BSPRY: variants seen among roughly 807,000 people sequenced by gnomAD.
The protein encoded by BSPRY is B box and SPRY domain-containing protein.
In BSPRY, 33 loss-of-function variants were observed where a neutral mutation model predicts 38.0. The ratio of observed to expected loss-of-function variants is 0.87; its 90% CI spans 0.66 to 1.16. The LOEUF is 1.16. Among genes scored for constraint, BSPRY ranks in the 50% most tolerant of loss-of-function variants. The probability of loss-of-function intolerance (pLI) is 0.00; values close to 1 mark genes in which losing one functional copy is unlikely to be tolerated. For synonymous variants in BSPRY, 224 were observed against 228.5 expected, an observed-to-expected ratio of 0.98 and a Z score of 0.18; for missense variants, 523 against 533.2, an observed-to-expected ratio of 0.98 and a Z score of 0.19.
At chr9:113,358,180 T>G (rs1204195840) in intron 2 of BSPRY, among the ~76,000 whole-genome samples, 1 of 150,998 alleles carries the variant, frequency 6.6e-6, no homozygotes, top group Non-Finnish European at 1.5e-5. Flanking sequence ...CCTAGGAGTT[T>G]GAGGCTGCAG....
intron 4 of BSPRY, among the ~76,000 whole-genome samples, chr9:113,364,586 C>T (rs1177797740): frequency 1.3e-5 from 2 of 151,906 alleles, no homozygotes; most frequent in Non-Finnish European, 2.9e-5. Context: ...TAACGAGCTT[C>T]ACGTAGAAAA....
intron 4 of BSPRY, among the ~76,000 whole-genome samples, chr9:113,364,499 T>C (rs1318283929): frequency 2.0e-5 from 3 of 152,098 alleles, no homozygotes; most frequent in Non-Finnish European, 4.4e-5. Flanking sequence ...GATTTTTTAA[T>C]TGATCTTTAA....
chr9:113,362,541 G>C, intron 4 of BSPRY, 147 bp downstream of exon 4: 1 of 810,376 alleles, frequency 1.2e-6, no homozygotes, highest in South Asian at 1.5e-5. Flanking sequence ...CTGTGGACAG[G>C]GAATGTCTCT....
chr9:113,352,182 A>T (rs1019658467), intron 1 of BSPRY, among the ~76,000 whole-genome samples: 16 of 152,174 alleles, frequency 1.1e-4, no homozygotes, highest in African/African-American at 3.6e-4. Flanking sequence ...TGAACTGCTG[A>T]ACCTCTTGTG....
chr9:113,349,711 C>T lies in BSPRY; in HGVS notation c.132C>T (p.Cys44=). The T allele has an allele frequency of 1.6e-6, 2 of 1,238,918 alleles. No individual in the cohort carries two copies. Among genetic ancestry groups the T allele is most frequent in the Non-Finnish European group, 1.0e-6 (1 of 993,116 alleles). The allele number at this position is 1,238,918 out of a possible 1,614,324, so 76.7% of individuals were successfully genotyped here. A position where few individuals can be genotyped will look rare whatever the true frequency, so the allele number is the denominator to read the frequency against. Residue 44 remains cysteine, a synonymous_variant, in exon 1 of 6, where the codon TGC becomes TGT. Coordinates refer to ENST00000374183, the MANE Select transcript of BSPRY (RefSeq NM_017688.3). Reference sequence around the variant, plus strand: ...AGCGACGGCCCGTGTGCGCCGCCTGCGCGGGGTTGGGCGGTCGCTGCCGGG... The same window carrying T: ...AGCGACGGCCCGTGTGCGCCGCCTGTGCGGGGTTGGGCGGTCGCTGCCGGG... The part of the protein sequence containing the change: ...GSERRPVCAA[C]AGLGGRCRGH...
At chr9:113,362,459 C>T (rs1834171997) in intron 4 of BSPRY, 65 bp downstream of exon 4, 13 of 1,517,538 alleles carry the variant, frequency 8.6e-6, no homozygotes, top group Non-Finnish European at 1.2e-5. Context: ...TCACACTCCA[C>T]TGCCTTCAGC....
At chr9:113,351,619 G>A (rs144546451) in intron 1 of BSPRY, among the ~76,000 whole-genome samples, 8 of 152,228 alleles carry the variant, frequency 5.3e-5, no homozygotes, top group African/African-American at 1.9e-4. Context: ...TTGGCAGATG[G>A]AACTGAGGCA....
Position 113,360,860 on chromosome 9 carries a change from A to G in BSPRY, c.531+123A>G. 3.4e-6 allele frequency: 3 copies of G among 873,332 alleles called. No individual in the cohort carries two copies. In the South Asian group the frequency reaches 5.1e-5, roughly 15 times the overall value. 54.1% of individuals were successfully genotyped at this position (873,332 alleles called of 1,614,324 possible). On this transcript the variant is annotated intron_variant, in intron 3 of 5. Coordinates refer to ENST00000374183, the MANE Select transcript of BSPRY (RefSeq NM_017688.3). Reference sequence around the variant, plus strand: ...AGAATTTGGAGCAGGGATGAGTGACAAAGATTCTTTGCTTGGCCAAACTTT... The same window carrying G: ...AGAATTTGGAGCAGGGATGAGTGACGAAGATTCTTTGCTTGGCCAAACTTT...
Position 113,349,567 on chromosome 9 carries a change from C to G in BSPRY, c.-13C>G. On this transcript the variant is annotated 5_prime_UTR_variant, in exon 1 of 6. Coordinates refer to ENST00000374183, the MANE Select transcript of BSPRY (RefSeq NM_017688.3). ...CCTGCGACAGGTGGAGCGCACGGGG[C>G]GGGCGCACGGCCATGTCCGCCGAGG... 3 of 1,143,536 alleles carry G rather than the reference C, an allele frequency of 2.6e-6. No homozygotes were observed. Among genetic ancestry groups the G allele is most frequent in the Non-Finnish European group, 2.1e-6 (2 of 932,296 alleles). The allele number at this position is 1,143,536 out of a possible 1,614,324, so 70.8% of individuals were successfully genotyped here.
At chr9:113,369,468 C>T in intron 5 of BSPRY, 148 bp from the exon 6 acceptor site, 2 of 768,246 alleles carry the variant, frequency 2.6e-6, no homozygotes, top group Non-Finnish European at 2.1e-6. Flanking sequence ...CCTATTTTGA[C>T]CCCCGTTTTG....
chr9:113,369,873 A>G lies in BSPRY; in HGVS notation c.940A>G (p.Ser314Gly). The G allele has an allele frequency of 6.2e-7, 1 of 1,614,234 alleles. No individual in the cohort carries two copies. Among genetic ancestry groups the G allele is most frequent in the Non-Finnish European group, 8.5e-7 (1 of 1,180,030 alleles). ...CCACCTGCCCCGCAAGGGTTCTGGC[A>G]GTGACTGCCGTCTGGGCCACAATGC... ...SGHLPRKGSGSDCRLGHNAFS... is the reference protein window; with the variant it reads ...SGHLPRKGSGGDCRLGHNAFS... Residue 314 changes from serine to glycine, a missense_variant, in exon 6 of 6, where the codon AGT becomes GGT. Ser to Gly is a moderately conservative substitution (Grantham distance 56). Coordinates refer to ENST00000374183, the MANE Select transcript of BSPRY (RefSeq NM_017688.3).
intron 2 of BSPRY, among the ~76,000 whole-genome samples, chr9:113,357,829 C>A (rs1834083829): frequency 7.0e-6 from 1 of 141,924 alleles, no homozygotes; most frequent in Non-Finnish European, 1.5e-5. Context: ...CTGCCTTGGC[C>A]TCCCAAACTG....
intron 4 of BSPRY, among the ~76,000 whole-genome samples, chr9:113,366,647 C>T (rs1316975515): frequency 6.6e-6 from 1 of 152,204 alleles, no homozygotes; most frequent in Non-Finnish European, 1.5e-5. Context: ...CTCACATTTG[C>T]CCTGGGATGA....
chr9:113,353,303 T>C (rs909420897), intron 1 of BSPRY, among the ~76,000 whole-genome samples: 2 of 152,172 alleles, frequency 1.3e-5, no homozygotes, highest in Admixed American at 1.3e-4. Context: ...GGAGGATCAC[T>C]TGAGCCTGGA....
intron 1 of BSPRY, among the ~76,000 whole-genome samples, chr9:113,350,970 C>G (rs554967121): frequency 6.6e-6 from 1 of 152,166 alleles, no homozygotes; most frequent in African/African-American, 2.4e-5. Flanking sequence ...ACTGGAGGCT[C>G]GGAACAAGGC....
At chr9:113,351,306 A>T (rs10981760) in intron 1 of BSPRY, among the ~76,000 whole-genome samples, 14,821 of 152,186 alleles carry the variant, frequency 0.097, 758 homozygotes, top group Non-Finnish European at 0.11. Context: ...AAATTAGAGT[A>T]GATTTCTGTC....
At chr9:113,351,833 C>T (rs1019142298) in intron 1 of BSPRY, among the ~76,000 whole-genome samples, 2 of 152,002 alleles carry the variant, frequency 1.3e-5, no homozygotes, top group Non-Finnish European at 2.9e-5. Context: ...GAGACAGTCT[C>T]ACTCTGTCAC....
intron 2 of BSPRY, among the ~76,000 whole-genome samples, chr9:113,356,115 A>G (rs1434116469): frequency 6.6e-6 from 1 of 152,222 alleles, no homozygotes; most frequent in Non-Finnish European, 1.5e-5. Flanking sequence ...AATCTATGTT[A>G]TGTCCGAAGG....
chr9:113,364,668 T>G (rs2118925912), intron 4 of BSPRY, among the ~76,000 whole-genome samples: 1 of 152,240 alleles, frequency 6.6e-6, no homozygotes, highest in South Asian at 2.1e-4. Context: ...CTATCTAGTA[T>G]ATATGTTAGA....
Sources: gnomAD v4.1 joint callset for allele counts (sites outside exome capture counted in the v4.1 genomes callset) on GRCh38, gnomAD v4.1.1 for gene constraint, MANE v1.5 for transcripts, NCBI Gene and HGNC (gene_info 2026-07-23, HGNC 2026-07-21) for gene names.